DENND4C: variants seen among roughly 807,000 people sequenced by gnomAD.
DENND4C encodes DENN domain containing 4C, also known as DENN domain-containing protein 4C.
In DENND4C, 108 loss-of-function variants were observed where a neutral mutation model predicts 203.0. The ratio of observed to expected loss-of-function variants is 0.53; its 90% confidence interval spans 0.46 to 0.62. The LOEUF is 0.62. DENND4C is among the 20% of genes least tolerant of loss of function. DENND4C has a pLI of 0.00. For missense variants in DENND4C, 2,481 were observed against 2,301.2 expected (o/e 1.08, Z -1.60); for synonymous variants, 871 against 792.4 (o/e 1.10, Z -1.67).
rs553477025 is a variant in DENND4C at position 19,358,212 on chromosome 9, T to G, written c.5160+52T>G. On this transcript the variant is annotated intron_variant, in intron 28 of 32. Coordinates refer to ENST00000434457, the MANE Select transcript of DENND4C (RefSeq NM_001330640.2). This position sits in a 1 kb window ranked among gnomAD's most constrained non-coding sequence, Gnocchi z 4.8. ...TATACTGCATACACACCTAAGTATATAGTAGAACATTATAAATTCTTCTGT... is the reference window on the plus strand; with the variant it reads ...TATACTGCATACACACCTAAGTATAGAGTAGAACATTATAAATTCTTCTGT... 2.9e-6 allele frequency: 4 copies of G among 1,370,070 alleles called. No homozygotes were observed. In the South Asian group the frequency reaches 6.0e-5, roughly 20 times the overall value. The allele number at this position is 1,370,070 out of a possible 1,614,324, so 84.9% of individuals were successfully genotyped here.
chr9:19,239,470 CT>C (rs1259424194), intron 1 of DENND4C, among the ~76,000 whole-genome samples: 141 of 144,420 alleles, frequency 9.8e-4, no homozygotes, highest in Admixed American at 1.4e-3. Context: ...AATTTATATT[CT>C]TTTTTTTTTT....
Position 19,367,464 on chromosome 9 carries a change from A to C in DENND4C, c.5525-2373A>C, listed in dbSNP as rs539193036. 3.9e-5 allele frequency among the ~76,000 whole-genome samples: 6 copies of C among 152,376 alleles called. No homozygotes were observed. The South Asian group carries it at 1.2e-3, about 32-fold the overall frequency. On this transcript the variant is annotated intron_variant, in intron 30 of 32. Transcript: ENST00000434457. ...AGTCTATGAATTGAGGGCTGAGCGC[A>C]GTGGCGCACGCCTGTAATCCCAGCA...
At chr9:19,305,887 G>A (rs1476729395) in intron 10 of DENND4C, among the ~76,000 whole-genome samples, 1 of 152,096 alleles carries the variant, frequency 6.6e-6, no homozygotes, top group Non-Finnish European at 1.5e-5. Context: ...AAGTAAAATG[G>A]GTTTACCCAT....
rs1264402276 is a variant in DENND4C, at chr9:19,290,698, C to G, written c.629-6C>G. 10 of 1,411,746 alleles carry G rather than the reference C, an allele frequency of 7.1e-6. No individual in the cohort carries two copies. The highest frequency in any genetic ancestry group is 9.3e-6 in the Non-Finnish European group (10 of 1,073,416). 87.5% of individuals were successfully genotyped at this position (1,411,746 alleles called of 1,614,324 possible). On this transcript the variant is annotated splice_region_variant and splice_polypyrimidine_tract_variant and intron_variant, in intron 4 of 32. Transcript: ENST00000434457. The stretch of plus-strand genomic sequence containing the variant: ...AAAAATTTATTGTTGTCTCATTCTT[C>G]AAAAGGTTTAATTTTTAGATATCCA...
At chr9:19,291,954 C>G (rs1353758327) in intron 5 of DENND4C, among the ~76,000 whole-genome samples, 4 of 152,014 alleles carry the variant, frequency 2.6e-5, no homozygotes, top group Non-Finnish European at 5.9e-5. Flanking sequence ...AAAATTGAGT[C>G]TTCAGGTTAA....
chr9:19,274,215 A>G (rs1442847750), intron 1 of DENND4C, among the ~76,000 whole-genome samples: 2 of 152,038 alleles, frequency 1.3e-5, no homozygotes, highest in African/African-American at 2.4e-5. Context: ...ATCTATAATG[A>G]TAGGAAGCTG....
At chr9:19,255,548 GTATT>G (rs1827733084) in intron 1 of DENND4C, among the ~76,000 whole-genome samples, 1 of 152,084 alleles carries the variant, frequency 6.6e-6, no homozygotes, top group Non-Finnish European at 1.5e-5. Flanking sequence ...TGAGAGGAAA[GTATT>G]AATAAAATCT....
At position 19,373,613 on chromosome 9, in the gene DENND4C, G is replaced by C. The variant is rs1171597060; in HGVS notation, c.*1440G>C. 6.6e-6 allele frequency: 1 copy of C among 152,566 alleles called. No individual in the cohort carries two copies. Among genetic ancestry groups the C allele is most frequent in the East Asian group, 1.9e-4 (1 of 5,198 alleles). The allele number at this position is 152,566 out of a possible 1,614,324, so 9.5% of individuals were successfully genotyped here. A position where few individuals can be genotyped will look rare whatever the true frequency, so the allele number is the denominator to read the frequency against. ...AATTTATTAAGCTTGTTGCCAGTAG[G>C]TTTAAGAAAATCATGATCTCACATG... On this transcript the variant is annotated 3_prime_UTR_variant, in exon 33 of 33. Transcript: ENST00000434457.
In DENND4C at chr9:19,358,015, C is replaced by G. The variant is rs1331112662; in HGVS notation, c.5015C>G (p.Ser1672Cys). 6.2e-7 allele frequency: 1 copy of G among 1,613,162 alleles called. No homozygotes were observed. Residue 1672 changes from serine to cysteine, a missense_variant, in exon 28 of 33, where the codon TCT becomes TGT. This residue lies in a region of DENND4C where 2,289 missense variants were observed against 2,113.3 expected (regional missense o/e 1.08). Coordinates refer to ENST00000434457, the MANE Select transcript of DENND4C (RefSeq NM_001330640.2). The surrounding 1 kb of genome is among the most constrained non-coding windows in gnomAD (Gnocchi z 4.8). ...SGDVQTMKIS[S>C]VPNSLSKRNV... ...GATGTCCAAACTATGAAAATTTCAT[C>G]TGTGCCTAATAGTTTATCAAAGCGA...
intron 20 of DENND4C, 94 bp downstream of exon 20, chr9:19,336,926 T>A: frequency 1.6e-6 from 2 of 1,212,272 alleles, no homozygotes; most frequent in Admixed American, 4.9e-5. Flanking sequence ...GTTTGTGTGA[T>A]ATGACTACTT....
intron 7 of DENND4C, among the ~76,000 whole-genome samples, chr9:19,298,698 C>G (rs1837946232): frequency 6.6e-6 from 1 of 152,130 alleles, no homozygotes; most frequent in Non-Finnish European, 1.5e-5. Context: ...CATTTATATA[C>G]TGTATCTTTC....
At chr9:19,275,073 G>A (rs1374724950) in intron 1 of DENND4C, among the ~76,000 whole-genome samples, 3 of 152,008 alleles carry the variant, frequency 2.0e-5, no homozygotes, top group Non-Finnish European at 4.4e-5. Context: ...TGCCCCCCAG[G>A]TTCAAGCGAT....
At chr9:19,363,810 A>T (rs1036282310) in intron 30 of DENND4C, among the ~76,000 whole-genome samples, 1 of 152,122 alleles carries the variant, frequency 6.6e-6, no homozygotes, top group African/African-American at 2.4e-5. Context: ...CAGGAGTTCA[A>T]GACCAGCCTA....
chr9:19,276,491 T>C lies in DENND4C; in HGVS notation c.305+12T>C. ...CTTACAGATATTGGGTATGGTGACT[T>C]CTTTTCTTTGCTATAGTGAAGGAGT... On this transcript the variant is annotated intron_variant, in intron 2 of 32. Coordinates refer to ENST00000434457, the MANE Select transcript of DENND4C (RefSeq NM_001330640.2). 1 of 1,230,666 alleles carries C rather than the reference T, an allele frequency of 8.1e-7. No individual in the cohort carries two copies. The allele number at this position is 1,230,666 out of a possible 1,614,324, so 76.2% of individuals were successfully genotyped here.
rs2131795199 is a variant in DENND4C at position 19,332,039 on chromosome 9, A to C, written c.2315A>C (p.Lys772Thr). The C allele has an allele frequency of 1.2e-6, 2 of 1,614,064 alleles. No homozygotes were observed. The highest frequency in any genetic ancestry group is 4.5e-5 in the East Asian group (2 of 44,860). ...RCYTNPPQWAKCLFSHCYSLW... is the reference protein window; with the variant it reads ...RCYTNPPQWATCLFSHCYSLW... ...TATACAAATCCACCACAGTGGGCCA[A>C]GTGTCTGTTTAGTCATTGTTACAGT... Residue 772 changes from lysine (K) to threonine (T), a missense_variant, in exon 17 of 33, where the codon AAG becomes ACG. By Grantham distance (78) the Lys-to-Thr change is moderately conservative. Around this residue, in one of 3 missense-constraint regions of DENND4C, gnomAD observed 2,289 missense variants for 2,113.3 expected, o/e 1.08. Transcript: ENST00000434457.
chr9:19,354,336 A>G (rs1824862643), intron 26 of DENND4C, among the ~76,000 whole-genome samples: 1 of 152,148 alleles, frequency 6.6e-6, no homozygotes, highest in African/African-American at 2.4e-5. Context: ...GAAAACGATA[A>G]TCCTTGGAGT....
intron 1 of DENND4C, among the ~76,000 whole-genome samples, chr9:19,270,657 A>G (rs564678063): frequency 3.6e-4 from 55 of 152,290 alleles, no homozygotes; most frequent in Middle Eastern, 3.4e-3. Context: ...TTCTGTGACC[A>G]GTGATGAACA....
chr9:19,306,859 C>T (rs1047750568), intron 10 of DENND4C, among the ~76,000 whole-genome samples: 1 of 151,906 alleles, frequency 6.6e-6, no homozygotes, highest in African/African-American at 2.4e-5. Context: ...TGACTCTCTG[C>T]AGTCTCCGCC....
chr9:19,269,314 C>G (rs1831150148), intron 1 of DENND4C, among the ~76,000 whole-genome samples: 1 of 152,100 alleles, frequency 6.6e-6, no homozygotes. Flanking sequence ...GTGCCCGCTA[C>G]CATGCCCGGC....
Sources: gnomAD v4.1 joint callset for allele counts (sites outside exome capture counted in the v4.1 genomes callset) on GRCh38, gnomAD v4.1.1 for gene constraint, gnomAD v4.1.1 regional missense constraint, Gnocchi (gnomAD v3.1) non-coding constraint, MANE v1.5 for transcripts, NCBI Gene and HGNC (gene_info 2026-07-23, HGNC 2026-07-21) for gene names.